LRRC4C: variants seen among roughly 807,000 people sequenced by gnomAD.
The protein encoded by LRRC4C is leucine rich repeat containing 4C, also known as leucine-rich repeat-containing protein 4C.
In LRRC4C, 5 loss-of-function variants were observed where a neutral mutation model predicts 33.6. The ratio of observed to expected loss-of-function variants is 0.15; its 90% confidence interval spans 0.08 to 0.31. LRRC4C has a LOEUF of 0.31. LRRC4C is among the 10% of genes least tolerant of loss of function. The pLI, the probability that LRRC4C is intolerant of heterozygous loss-of-function variation, is 1.00. For missense variants in LRRC4C, 560 were observed against 796.7 expected (o/e 0.70, Z 3.58); for synonymous variants, 329 against 302.0 (o/e 1.09, Z -0.93).
intron 3 of LRRC4C, among the ~76,000 whole-genome samples, chr11:40,615,239 TA>T (rs1258039725): frequency 1.9e-3 from 53 of 28,318 alleles, no homozygotes; most frequent in African/African-American, 0.012. Flanking sequence ...TGATTTATTT[TA>T]TATATATATA....
intron 1 of LRRC4C, among the ~76,000 whole-genome samples, chr11:41,348,390 TAATAA>T (rs10635534): frequency 6.6e-6 from 1 of 151,720 alleles, no homozygotes; most frequent in African/African-American, 2.4e-5. Flanking sequence ...ATTTAAAAAA[TAATAA>T]AATAAAAACA....
intron 3 of LRRC4C, among the ~76,000 whole-genome samples, chr11:40,565,499 G>C (rs903282729): frequency 1.3e-5 from 2 of 152,050 alleles, no homozygotes; most frequent in African/African-American, 4.8e-5. Context: ...CTCATTTAGG[G>C]GCAATATTTT....
chr11:40,771,330 G>A (rs1030598047), intron 2 of LRRC4C, among the ~76,000 whole-genome samples: 3 of 152,164 alleles, frequency 2.0e-5, no homozygotes, highest in African/African-American at 7.2e-5. Context: ...TGGAACTGAA[G>A]CAGCTGGGAT....
chr11:41,236,206 A>G (rs1203487222), intron 1 of LRRC4C, among the ~76,000 whole-genome samples: 1 of 152,142 alleles, frequency 6.6e-6, no homozygotes, highest in Non-Finnish European at 1.5e-5. Flanking sequence ...GACCTCAGGT[A>G]TAGAAGCTCT....
chr11:40,511,900 G>A (rs1248360636), intron 3 of LRRC4C, among the ~76,000 whole-genome samples: 1 of 152,122 alleles, frequency 6.6e-6, no homozygotes, highest in Non-Finnish European at 1.5e-5. Flanking sequence ...GACTATTGTA[G>A]TATATACAGG....
intron 1 of LRRC4C, among the ~76,000 whole-genome samples, chr11:41,348,064 C>A (rs2137538770): frequency 6.6e-6 from 1 of 152,270 alleles, no homozygotes; most frequent in East Asian, 1.9e-4. Context: ...CAAAATCTTC[C>A]CTAATGACAG....
At chr11:40,657,745 C>A (rs906627147) in intron 2 of LRRC4C, among the ~76,000 whole-genome samples, 1 of 152,202 alleles carries the variant, frequency 6.6e-6, no homozygotes, top group Non-Finnish European at 1.5e-5. Context: ...CCCCGACCAC[C>A]TTGGGCACAT....
chr11:41,417,699 C>A (rs1954734787), intron 1 of LRRC4C, among the ~76,000 whole-genome samples: 1 of 151,848 alleles, frequency 6.6e-6, no homozygotes, highest in South Asian at 2.1e-4. Flanking sequence ...ACATCCAGCT[C>A]CCTTAATCTC....
intron 1 of LRRC4C, among the ~76,000 whole-genome samples, chr11:40,970,212 G>A (rs994560524): frequency 1.3e-5 from 2 of 152,168 alleles, no homozygotes; most frequent in African/African-American, 4.8e-5. Context: ...TCCCACCCAA[G>A]TCTCATGTTG....
intron 2 of LRRC4C, among the ~76,000 whole-genome samples, chr11:40,851,901 G>C (rs1407190977): frequency 6.6e-6 from 1 of 152,140 alleles, no homozygotes; most frequent in Non-Finnish European, 1.5e-5. Flanking sequence ...TTCCACCAGA[G>C]TTTTAGTTTT....
intron 3 of LRRC4C, among the ~76,000 whole-genome samples, chr11:40,540,712 A>G (rs986765955): frequency 1.3e-5 from 2 of 152,126 alleles, no homozygotes; most frequent in African/African-American, 4.8e-5. Flanking sequence ...CTAGTACCCC[A>G]CATTTGAGCT....
At chr11:40,554,457 C>T (rs576903013) in intron 3 of LRRC4C, among the ~76,000 whole-genome samples, 36 of 151,274 alleles carry the variant, frequency 2.4e-4, no homozygotes, top group African/African-American at 8.3e-4. Flanking sequence ...TCTTTTGGTT[C>T]CCTATGAATT....
At chr11:40,727,976 G>A (rs192226462) in intron 2 of LRRC4C, among the ~76,000 whole-genome samples, 35 of 152,264 alleles carry the variant, frequency 2.3e-4, no homozygotes, top group African/African-American at 8.2e-4. Flanking sequence ...CCAGGAGGCA[G>A]AGGTTTCAGG....
At chr11:40,707,821 C>A (rs1441465284) in intron 2 of LRRC4C, among the ~76,000 whole-genome samples, 1 of 152,186 alleles carries the variant, frequency 6.6e-6, no homozygotes, top group African/African-American at 2.4e-5. Flanking sequence ...TATAATTCGG[C>A]TGTGAATCCA....
intron 1 of LRRC4C, among the ~76,000 whole-genome samples, chr11:41,148,087 C>T (rs529657998): frequency 3.3e-5 from 5 of 152,142 alleles, no homozygotes; most frequent in African/African-American, 9.6e-5. Context: ...GACGCCATCT[C>T]GGCTCACTGT....
intron 3 of LRRC4C, among the ~76,000 whole-genome samples, chr11:40,540,053 T>C (rs1053811050): frequency 6.6e-6 from 1 of 152,146 alleles, no homozygotes; most frequent in Non-Finnish European, 1.5e-5. Flanking sequence ...ACTTTCAAAG[T>C]TGGAAAAAGT....
At chr11:40,605,422 T>C (rs1960475382) in intron 3 of LRRC4C, among the ~76,000 whole-genome samples, 1 of 152,142 alleles carries the variant, frequency 6.6e-6, no homozygotes, top group Non-Finnish European at 1.5e-5. Context: ...GATTCAACAA[T>C]ACATGAACCT....
chr11:40,345,655 G>A (rs1352504530), intron 3 of LRRC4C, among the ~76,000 whole-genome samples: 2 of 152,034 alleles, frequency 1.3e-5, no homozygotes, highest in Non-Finnish European at 2.9e-5. Flanking sequence ...ATTTCATGAT[G>A]AGGATGCCAA....
At chr11:40,172,981 T>C (rs1016636458) in intron 5 of LRRC4C, among the ~76,000 whole-genome samples, 5 of 152,012 alleles carry the variant, frequency 3.3e-5, no homozygotes, top group Non-Finnish European at 7.4e-5. Context: ...CAGAGGAAGA[T>C]CAAGTGAAGA....
Sources: allele counts gnomAD v4.1 joint callset (sites outside exome capture counted in the v4.1 genomes callset), GRCh38; gene constraint gnomAD v4.1.1; transcripts MANE v1.5; gene names NCBI Gene and HGNC (gene_info 2026-07-23, HGNC 2026-07-21).